Variants in RANBP2 observed in about 807,000 individuals in gnomAD.
The protein encoded by RANBP2 is RAN binding protein 2.
RANBP2 carries 57 observed loss-of-function variants against 303.6 expected under a neutral mutation model. The observed-to-expected ratio is 0.19, with a 90% CI of 0.15 to 0.23. The LOEUF is 0.23. Among genes scored for constraint, RANBP2 ranks in the 10% least tolerant of loss-of-function variants. RANBP2 has a pLI of 1.00. For synonymous variants in RANBP2, 1,167 were observed against 1,301.5 expected, an observed-to-expected ratio of 0.90 and a Z score of 2.23; for missense variants, 3,138 against 3,780.8, an observed-to-expected ratio of 0.83 and a Z score of 4.46.
chr2:109,564,654 G>A, the RANBP2 span: 1 of 858,236 alleles, frequency 1.2e-6, no homozygotes, highest in Non-Finnish European at 1.6e-6. Flanking sequence ...CAAATGATCA[G>A]TTTGATTAAC....
chr2:109,458,396 C>T, the RANBP2 span, among the ~76,000 whole-genome samples: 1 of 152,140 alleles, frequency 6.6e-6, no homozygotes, highest in Non-Finnish European at 1.5e-5. Context: ...CACCTGCCTT[C>T]TAACTCTTAT....
chr2:109,083,973 C>A, the RANBP2 span, among the ~76,000 whole-genome samples: 8 of 152,146 alleles, frequency 5.3e-5, no homozygotes, highest in Non-Finnish European at 1.5e-5. Flanking sequence ...TGGTCTCCAG[C>A]GAGATCATGA....
rs1482625954 is a variant in RANBP2 at position 108,719,572 on chromosome 2, G to A, written c.-35G>A. ...GCGACTGCTGCGGGCCTGAGCGCTG[G>A]TCTCACGCGCCTCGGGAGCCAGGTT... On this transcript the variant is annotated 5_prime_UTR_variant, in exon 1 of 29. Transcript: ENST00000283195. 8.2e-6 allele frequency: 13 copies of A among 1,587,906 alleles called. 1 individual carries two copies. In the Middle Eastern group the frequency reaches 6.8e-4, roughly 83 times the overall value.
At chr2:108,878,787 A>G in the RANBP2 span, among the ~76,000 whole-genome samples, 1 of 152,166 alleles carries the variant, frequency 6.6e-6, no homozygotes, top group Non-Finnish European at 1.5e-5. Flanking sequence ...ATGAAAGAGG[A>G]GCTGTTAACT....
chr2:109,441,031 A>G, the RANBP2 span, among the ~76,000 whole-genome samples: 7 of 151,848 alleles, frequency 4.6e-5, no homozygotes, highest in Non-Finnish European at 5.9e-5. Context: ...CACTGTTCCA[A>G]TTTCACCCAA....
chr2:109,347,661 C>T, the RANBP2 span: 4 of 1,612,192 alleles, frequency 2.5e-6, no homozygotes, highest in Non-Finnish European at 3.4e-6. Context: ...CACATGCTGT[C>T]TGTTGCTTGC....
intron 4 of RANBP2, among the ~76,000 whole-genome samples, chr2:108,734,735 G>T (rs1196355545): frequency 6.6e-6 from 1 of 151,866 alleles, no homozygotes; most frequent in Non-Finnish European, 1.5e-5. Flanking sequence ...GGGTGGTATG[G>T]TGGTTTCGGT....
the RANBP2 span, among the ~76,000 whole-genome samples, chr2:109,407,803 G>A: frequency 2.0e-5 from 3 of 152,208 alleles, no homozygotes; most frequent in Non-Finnish European, 4.4e-5. Context: ...CTACAAATCT[G>A]GAAATAGCTG....
the RANBP2 span, among the ~76,000 whole-genome samples, chr2:109,515,902 C>A: frequency 6.6e-6 from 1 of 152,120 alleles, no homozygotes; most frequent in Admixed American, 6.5e-5. Context: ...CTGAGGGATC[C>A]GCCCCACGAC....
the RANBP2 span, among the ~76,000 whole-genome samples, chr2:109,064,751 T>C: frequency 6.6e-6 from 1 of 152,200 alleles, no homozygotes; most frequent in African/African-American, 2.4e-5. Context: ...TTGTATTTGA[T>C]GGATAAATGC....
the RANBP2 span, among the ~76,000 whole-genome samples, chr2:108,890,603 T>G: frequency 6.6e-6 from 1 of 152,174 alleles, no homozygotes; most frequent in Non-Finnish European, 1.5e-5. Flanking sequence ...GGATTCACCC[T>G]TTATCTTTGA....
At chr2:109,719,074 AT>A in the RANBP2 span, among the ~76,000 whole-genome samples, 1 of 148,966 alleles carries the variant, frequency 6.7e-6, no homozygotes, top group African/African-American at 2.4e-5. Flanking sequence ...GAGTGGGTAA[AT>A]TGTGTTGTAT....
chr2:109,418,658 T>G, the RANBP2 span, among the ~76,000 whole-genome samples: 1 of 152,190 alleles, frequency 6.6e-6, no homozygotes, highest in Non-Finnish European at 1.5e-5. Context: ...TTACCTCATA[T>G]CTGCAAAGAC....
chr2:108,740,265 CTG>C (rs1398063090), intron 6 of RANBP2, among the ~76,000 whole-genome samples: 1 of 151,992 alleles, frequency 6.6e-6, no homozygotes, highest in African/African-American at 2.4e-5. Flanking sequence ...CTGGAAATAA[CTG>C]GGAATATCAT....
chr2:108,794,708 A>G, the RANBP2 span: 1 of 1,611,512 alleles, frequency 6.2e-7, no homozygotes, highest in South Asian at 1.1e-5. Context: ...TTTCAGATAC[A>G]TCTGAAATTG....
chr2:109,567,878 G>A, the RANBP2 span: 13 of 1,613,770 alleles, frequency 8.1e-6, no homozygotes, highest in East Asian at 6.7e-5. Flanking sequence ...ATATCTGGAC[G>A]CCATTGCTGA....
At chr2:109,683,605 T>G in the RANBP2 span, among the ~76,000 whole-genome samples, 1 of 152,104 alleles carries the variant, frequency 6.6e-6, no homozygotes, top group African/African-American at 2.4e-5. Context: ...CTCTGGTCAG[T>G]GACCATGCGC....
the RANBP2 span, among the ~76,000 whole-genome samples, chr2:108,817,287 A>G: frequency 1.5e-4 from 23 of 151,654 alleles, no homozygotes; most frequent in Non-Finnish European, 2.2e-4. Flanking sequence ...TGGAATTCAG[A>G]TAATCTTTTT....
the RANBP2 span, among the ~76,000 whole-genome samples, chr2:109,282,179 T>G: frequency 1.3e-5 from 2 of 152,146 alleles, no homozygotes; most frequent in Admixed American, 6.5e-5. Context: ...CTATTTTTCT[T>G]TTTATCTTGT....
Sources: gnomAD v4.1 joint callset for allele counts (sites outside exome capture counted in the v4.1 genomes callset) on GRCh38, gnomAD v4.1.1 for gene constraint, MANE v1.5 for transcripts, NCBI Gene and HGNC (gene_info 2026-07-23, HGNC 2026-07-21) for gene names.